The following CNTNAP4 variants were observed in gnomAD, a reference collection of about 807,000 sequenced individuals.
CNTNAP4 encodes contactin-associated protein-like 4.
Under a neutral mutation model 148.4 loss-of-function variants are expected in CNTNAP4, and 98 were observed. The ratio of observed to expected loss-of-function variants is 0.66; its 90% CI spans 0.56 to 0.78. The LOEUF (loss-of-function observed/expected upper bound fraction) is 0.78, where lower values mean the gene tolerates loss of function less well. Among genes scored for constraint, CNTNAP4 ranks in the 30% least tolerant of loss-of-function variants. The pLI is 0.00. For synonymous variants in CNTNAP4, 730 were observed against 565.1 expected (o/e 1.29, Z -4.14); for missense variants, 1,935 against 1,565.6 (o/e 1.24, Z -3.98).
At chr16:76,443,317 A>G (rs1597556927) in intron 4 of CNTNAP4, among the ~76,000 whole-genome samples, 1 of 152,254 alleles carries the variant, frequency 6.6e-6, no homozygotes, top group East Asian at 1.9e-4. Context: ...CATTTTTCCT[A>G]TGGTCAATTT....
chr16:76,504,396 T>A (rs539151627), intron 15 of CNTNAP4, among the ~76,000 whole-genome samples: 5 of 149,574 alleles, frequency 3.3e-5, no homozygotes, highest in African/African-American at 4.9e-5. Flanking sequence ...CGAATCCAAT[T>A]GAAAAAGAAA....
chr16:76,340,534 G>A (rs756327912), intron 2 of CNTNAP4, among the ~76,000 whole-genome samples: 4 of 151,820 alleles, frequency 2.6e-5, no homozygotes, highest in African/African-American at 7.3e-5. Flanking sequence ...ATCTGATTGC[G>A]CTCCCAATGC....
chr16:76,465,290 G>A (rs1432222487), intron 9 of CNTNAP4, among the ~76,000 whole-genome samples: 7 of 152,146 alleles, frequency 4.6e-5, no homozygotes, highest in Admixed American at 3.3e-4. Flanking sequence ...CTCTGGTATT[G>A]CATTATATTA....
intron 3 of CNTNAP4, among the ~76,000 whole-genome samples, chr16:76,358,595 A>G (rs16944303): frequency 0.011 from 1,746 of 152,324 alleles, 46 homozygotes; most frequent in African/African-American, 0.04. Context: ...TGAAAAAAGC[A>G]TGGACATTGG....
At chr16:76,334,724 C>T (rs1019751708) in intron 2 of CNTNAP4, among the ~76,000 whole-genome samples, 2 of 152,038 alleles carry the variant, frequency 1.3e-5, no homozygotes, top group African/African-American at 4.8e-5. Flanking sequence ...TATCAAAAGA[C>T]ACTGTCAAAA....
At chr16:76,485,094 TC>T (rs751373327) in intron 12 of CNTNAP4, among the ~76,000 whole-genome samples, 1 of 152,148 alleles carries the variant, frequency 6.6e-6, no homozygotes, top group East Asian at 1.9e-4. Flanking sequence ...CCAGGGGCTG[TC>T]CGTATTGCTT....
rs183963228 is a variant in CNTNAP4, at chr16:76,308,885, T to G, written c.86-7528T>G. The stretch of plus-strand genomic sequence containing the variant: ...TGTTGTCCAGGCTGGTGTGCAGTGG[T>G]GCGATCATAGCTCAGGGCAGCCTCG... On this transcript the variant is annotated intron_variant, in intron 1 of 23. Transcript: ENST00000611870. Among the ~76,000 whole-genome samples the G allele has an allele frequency of 2.0e-5, 3 of 152,164 alleles. No homozygotes were observed. In the East Asian group the frequency reaches 5.8e-4, roughly 29 times the overall value.
Position 76,482,118 on chromosome 16 carries a change from G to C in CNTNAP4, c.1882+2580G>C, listed in dbSNP as rs567919285. ...TCCTGGGTTAGGGAATGCTTCTTCA[G>C]GAGCATGGGTGGAAAAGAGTGATGA... On this transcript the variant is annotated intron_variant, in intron 12 of 23. Coordinates refer to ENST00000611870, the MANE Select transcript of CNTNAP4 (RefSeq NM_033401.5). Among the ~76,000 whole-genome samples the C allele has an allele frequency of 4.6e-5, 7 of 152,080 alleles. No homozygotes were observed. In the East Asian group the frequency reaches 1.4e-3, roughly 29 times the overall value.
chr16:76,378,488 A>G (rs558071277), intron 3 of CNTNAP4, among the ~76,000 whole-genome samples: 2 of 152,196 alleles, frequency 1.3e-5, no homozygotes, highest in Non-Finnish European at 2.9e-5. Context: ...GCATAGGTGT[A>G]TAAGACCAGG....
chr16:76,394,217 A>G (rs1483928495), intron 3 of CNTNAP4, among the ~76,000 whole-genome samples: 2 of 152,122 alleles, frequency 1.3e-5, no homozygotes, highest in African/African-American at 2.4e-5. Flanking sequence ...AGGAATGTTT[A>G]TTTATTTTGG....
rs371697747 is a variant in CNTNAP4, at chr16:76,535,873, C to G, written c.2995+89C>G. On this transcript the variant is annotated intron_variant, in intron 18 of 23. Transcript: ENST00000611870. ...TTCTTTTCTATGCAGCTATTTGAAACAAAAAAAATTCAATTTCTGAATTGC... is the reference window on the plus strand; with the variant it reads ...TTCTTTTCTATGCAGCTATTTGAAAGAAAAAAAATTCAATTTCTGAATTGC... 72 of 1,408,968 alleles carry G rather than the reference C, an allele frequency of 5.1e-5. No individual in the cohort carries two copies. The African/African-American group carries it at 9.1e-4, about 18-fold the overall frequency. 87.3% of individuals were successfully genotyped at this position (1,408,968 alleles called of 1,614,324 possible). A position where few individuals can be genotyped will look rare whatever the true frequency, so the allele number is the denominator to read the frequency against.
intron 3 of CNTNAP4, among the ~76,000 whole-genome samples, chr16:76,400,879 T>A (rs149805602): frequency 3.3e-5 from 5 of 152,276 alleles, no homozygotes; most frequent in Non-Finnish European, 5.9e-5. Flanking sequence ...GGGTACTCTG[T>A]TCTGTTCCAC....
intron 2 of CNTNAP4, 42 bp from the exon 3 acceptor site, chr16:76,355,276 T>C: frequency 1.4e-6 from 2 of 1,435,260 alleles, no homozygotes; most frequent in Non-Finnish European, 1.9e-6. Flanking sequence ...TTTAACTAAC[T>C]TTCCTTTCTC....
chr16:76,334,771 A>G (rs1963875058), intron 2 of CNTNAP4, among the ~76,000 whole-genome samples: 1 of 152,096 alleles, frequency 6.6e-6, no homozygotes, highest in South Asian at 2.1e-4. Context: ...CGTGCAGGAA[A>G]CAATATTCTG....
chr16:76,535,516 T>C (rs192411998), intron 17 of CNTNAP4, 29 bp from the exon 18 acceptor site: 1 of 1,608,866 alleles, frequency 6.2e-7, no homozygotes, highest in African/African-American at 1.3e-5. Flanking sequence ...CCTAGGAACA[T>C]GTTTCCATTT....
At chr16:76,410,665 T>C (rs2144913057) in intron 3 of CNTNAP4, among the ~76,000 whole-genome samples, 1 of 151,866 alleles carries the variant, frequency 6.6e-6, no homozygotes, top group African/African-American at 2.4e-5. Flanking sequence ...TAAAATACTC[T>C]CTCTTTTGAC....
chr16:76,560,141 A>G lies in CNTNAP4; in HGVS notation c.*1458A>G, dbSNP rs1420804190. ...TTGAATTCTGCAAGCCAATCATACAATAAAGGCACTCTATTATACATACTC... is the reference window on the plus strand; with the variant it reads ...TTGAATTCTGCAAGCCAATCATACAGTAAAGGCACTCTATTATACATACTC... On this transcript the variant is annotated 3_prime_UTR_variant, in exon 24 of 24. Transcript: ENST00000611870. Among the ~76,000 whole-genome samples, 10 of 152,210 alleles carry G rather than the reference A, an allele frequency of 6.6e-5. No individual in the cohort carries two copies. The highest frequency in any genetic ancestry group is 2.4e-4 in the African/African-American group (10 of 41,458).
rs1430269571 is a variant in CNTNAP4 at position 76,548,364 on chromosome 16, T to A, written c.3443-4919T>A. Among the ~76,000 whole-genome samples the A allele has an allele frequency of 2.0e-5, 3 of 149,658 alleles. No homozygotes were observed. In the East Asian group the frequency reaches 6.0e-4, roughly 30 times the overall value. ...TTCCAGACATTGAGATCTTTCTTTT[T>A]AAATGACTCCTTCTCATAGGTAGGA... On this transcript the variant is annotated intron_variant, in intron 21 of 23. Transcript: ENST00000611870.
chr16:76,558,518 G>T lies in CNTNAP4; in HGVS notation c.3762G>T (p.Leu1254Phe). The T allele has an allele frequency of 6.2e-7, 1 of 1,608,486 alleles. No homozygotes were observed. Among genetic ancestry groups the T allele is most frequent in the Non-Finnish European group, 8.5e-7 (1 of 1,176,176 alleles). ...GGLIAVVIFILLCITAIAVRI... is the reference protein window; with the variant it reads ...GGLIAVVIFIFLCITAIAVRI... ...TGATAGCTGTTGTGATTTTTATCTT[G>T]CTTTGCATCACTGCCATAGCTGTTC... is the stretch of plus-strand genomic sequence containing the variant. The change falls in exon 24 of 24, where the codon TTG (leucine) becomes TTT (phenylalanine). Residue 1254 changes from leucine to phenylalanine, a missense_variant. Transcript: ENST00000611870.
Sources: allele counts gnomAD v4.1 joint callset (sites outside exome capture counted in the v4.1 genomes callset), GRCh38; gene constraint gnomAD v4.1.1; transcripts MANE v1.5; gene names NCBI Gene and HGNC (gene_info 2026-07-23, HGNC 2026-07-21).